Variants in PPFIA2 observed in about 807,000 individuals in gnomAD.
PPFIA2 encodes liprin-alpha-2.
PPFIA2 carries 46 observed loss-of-function variants against 175.5 expected under a neutral mutation model. The observed-to-expected ratio is 0.26, with a 90% CI of 0.21 to 0.34. The LOEUF (loss-of-function observed/expected upper bound fraction) is 0.34. Ranked by LOEUF, PPFIA2 falls within the 10% of genes least tolerant of loss-of-function variation. The pLI is 1.00. For synonymous variants in PPFIA2, 568 were observed against 511.4 expected (o/e 1.11, Z -1.49); for missense variants, 1,179 against 1,506.1 (o/e 0.78, Z 3.60).
intron 18 of PPFIA2, among the ~76,000 whole-genome samples, chr12:81,345,688 T>C (rs1366746056): frequency 6.6e-6 from 1 of 152,172 alleles, no homozygotes; most frequent in African/African-American, 2.4e-5. Context: ...CTGACTAAAT[T>C]TTATTCTGTG....
At chr12:81,450,607 G>T (rs189308797) in intron 5 of PPFIA2, among the ~76,000 whole-genome samples, 2 of 152,174 alleles carry the variant, frequency 1.3e-5, no homozygotes, top group East Asian at 1.9e-4. Flanking sequence ...CACTCTGATG[G>T]TATTTTCTTT....
At chr12:81,659,313 G>C (rs1168639695) in intron 4 of PPFIA2, among the ~76,000 whole-genome samples, 1 of 152,156 alleles carries the variant, frequency 6.6e-6, no homozygotes, top group African/African-American at 2.4e-5. Context: ...CCCTTTCCTA[G>C]CCAAGGAAAG....
chr12:81,434,220 CATAT>C (rs1473664178), intron 7 of PPFIA2, among the ~76,000 whole-genome samples: 2 of 151,910 alleles, frequency 1.3e-5, no homozygotes, highest in African/African-American at 2.4e-5. Context: ...GTCTATGTAA[CATAT>C]ATCACTATAT....
intron 3 of PPFIA2, among the ~76,000 whole-genome samples, chr12:81,743,481 G>A (rs2082624279): frequency 6.8e-6 from 1 of 147,934 alleles, no homozygotes; most frequent in Non-Finnish European, 1.5e-5. Context: ...TGGTGGGGTG[G>A]CATCTTGGTA....
intron 4 of PPFIA2, among the ~76,000 whole-genome samples, chr12:81,491,790 G>C (rs1567044715): frequency 6.6e-6 from 1 of 151,828 alleles, no homozygotes; most frequent in Non-Finnish European, 1.5e-5. Flanking sequence ...ACTTTATCAA[G>C]GTCATCATGT....
intron 4 of PPFIA2, among the ~76,000 whole-genome samples, chr12:81,608,875 G>A (rs2060602259): frequency 6.6e-6 from 1 of 151,976 alleles, no homozygotes; most frequent in Admixed American, 6.6e-5. Flanking sequence ...TCCTTTCAGT[G>A]CAAAGTTAGA....
intron 4 of PPFIA2, among the ~76,000 whole-genome samples, chr12:81,599,412 G>A (rs935975698): frequency 1.2e-4 from 18 of 152,054 alleles, no homozygotes; most frequent in Admixed American, 1.2e-3. Context: ...CTTTAGATGG[G>A]ACTCCTACAT....
At chr12:81,547,651 CAAAG>C (rs2067210640) in intron 4 of PPFIA2, among the ~76,000 whole-genome samples, 2 of 152,054 alleles carry the variant, frequency 1.3e-5, no homozygotes. Flanking sequence ...GAAGAAGTAA[CAAAG>C]AGTTAGAGAA....
intron 8 of PPFIA2, among the ~76,000 whole-genome samples, chr12:81,385,134 AT>A (rs1015132933): frequency 2.0e-5 from 3 of 152,156 alleles, no homozygotes; most frequent in Non-Finnish European, 4.4e-5. Flanking sequence ...CATCAGGAAA[AT>A]GCAAATTAAA....
At chr12:81,555,886 C>T (rs1304955978) in intron 4 of PPFIA2, among the ~76,000 whole-genome samples, 2 of 151,838 alleles carry the variant, frequency 1.3e-5, no homozygotes, top group African/African-American at 4.8e-5. Context: ...ATATAATAGG[C>T]CACTGTCAAA....
chr12:81,742,479 G>C (rs566254323), intron 3 of PPFIA2, among the ~76,000 whole-genome samples: 2 of 152,294 alleles, frequency 1.3e-5, no homozygotes, highest in South Asian at 4.1e-4. Flanking sequence ...GAATATGGAA[G>C]AAATAAAACA....
intron 17 of PPFIA2, among the ~76,000 whole-genome samples, chr12:81,352,836 C>T (rs1366518263): frequency 6.6e-6 from 1 of 152,170 alleles, no homozygotes; most frequent in Middle Eastern, 3.4e-3. Context: ...GAAAGTTTTG[C>T]CTTTAACTTA....
intron 4 of PPFIA2, among the ~76,000 whole-genome samples, chr12:81,567,875 C>A (rs755531226): frequency 9.2e-5 from 14 of 152,254 alleles, no homozygotes; most frequent in Middle Eastern, 3.4e-3. Flanking sequence ...AAAATGTAAA[C>A]CTTCACATTT....
chr12:81,625,352 A>G (rs1174078907), intron 4 of PPFIA2, among the ~76,000 whole-genome samples: 1 of 151,916 alleles, frequency 6.6e-6, no homozygotes, highest in Non-Finnish European at 1.5e-5. Context: ...GTTGTCTATA[A>G]TGTGTTTGAT....
At chr12:81,464,464 T>C (rs2055210423) in intron 4 of PPFIA2, among the ~76,000 whole-genome samples, 1 of 152,142 alleles carries the variant, frequency 6.6e-6, no homozygotes, top group Non-Finnish European at 1.5e-5. Flanking sequence ...TTATCAGTGG[T>C]TTCACTCTTT....
chr12:81,263,204 A>G (rs1335367033), intron 31 of PPFIA2, 27 bp downstream of exon 31: 1 of 1,561,550 alleles, frequency 6.4e-7, no homozygotes. Context: ...TTTTTGCTTG[A>G]TAAGCAGCAA....
chr12:81,404,791 C>T (rs2042644103), intron 8 of PPFIA2, among the ~76,000 whole-genome samples: 1 of 152,050 alleles, frequency 6.6e-6, no homozygotes, highest in South Asian at 2.1e-4. Flanking sequence ...TTTTTTCTAA[C>T]CACATAAGTG....
intron 22 of PPFIA2, among the ~76,000 whole-genome samples, chr12:81,324,715 T>C (rs980399699): frequency 6.6e-6 from 1 of 151,942 alleles, no homozygotes; most frequent in African/African-American, 2.4e-5. Context: ...AGAATAAATA[T>C]ATATTATTGA....
At chr12:81,267,388 A>G in intron 29 of PPFIA2, 2 of 340,702 alleles carry the variant, frequency 5.9e-6, no homozygotes, top group Non-Finnish European at 1.1e-5. Context: ...GTAGTTCTCA[A>G]ACCTGGCCAA....
Sources: gnomAD v4.1 joint callset for allele counts (sites outside exome capture counted in the v4.1 genomes callset) on GRCh38, gnomAD v4.1.1 for gene constraint, MANE v1.5 for transcripts, NCBI Gene and HGNC (gene_info 2026-07-23, HGNC 2026-07-21) for gene names.